The following KAZN variants were observed in gnomAD, a reference collection of about 807,000 sequenced individuals.
The protein encoded by KAZN is kazrin, periplakin interacting protein.
Under a neutral mutation model 87.4 loss-of-function variants are expected in KAZN, and 40 were observed. The observed-to-expected ratio is 0.46, with a 90% CI of 0.36 to 0.60. KAZN has a LOEUF of 0.60. Among genes scored for constraint, KAZN ranks in the 20% least tolerant of loss-of-function variants. The pLI, the probability that KAZN is intolerant of heterozygous loss-of-function variation, is 0.00. For synonymous variants in KAZN, 466 were observed against 458.3 expected, an observed-to-expected ratio of 1.02 and a Z score of -0.22; for missense variants, 898 against 1,073.9, an observed-to-expected ratio of 0.84 and a Z score of 2.29.
chr1:14,243,172 C>T (rs565523127), intron 2 of KAZN, among the ~76,000 whole-genome samples: 18 of 152,202 alleles, frequency 1.2e-4, no homozygotes, highest in East Asian at 1.9e-4. Context: ...CAGTTTTGTT[C>T]GCCATTATTC....
intron 2 of KAZN, among the ~76,000 whole-genome samples, chr1:14,576,464 AATGGATGG>A (rs924859427): frequency 6.6e-6 from 1 of 150,566 alleles, no homozygotes; most frequent in African/African-American, 2.5e-5. Flanking sequence ...TGGATATATT[AATGGATGG>A]ATGGATGGAT....
intron 1 of KAZN, among the ~76,000 whole-genome samples, chr1:13,894,859 C>G (rs977394919): frequency 6.6e-6 from 1 of 152,164 alleles, no homozygotes; most frequent in Non-Finnish European, 1.5e-5. Flanking sequence ...CACACTGGAG[C>G]TGGTTTCTAA....
chr1:14,877,100 G>A (rs543133746), intron 1 of KAZN, among the ~76,000 whole-genome samples: 1 of 152,286 alleles, frequency 6.6e-6, no homozygotes, highest in African/African-American at 2.4e-5. Flanking sequence ...TGCCAGTGTG[G>A]ATCCTTCAGG....
chr1:14,943,866 G>T (rs1370524772), intron 1 of KAZN, among the ~76,000 whole-genome samples: 1 of 152,270 alleles, frequency 6.6e-6, no homozygotes, highest in African/African-American at 2.4e-5. Context: ...GAGGTCAGGA[G>T]TTTGAGACCA....
intron 1 of KAZN, among the ~76,000 whole-genome samples, chr1:14,781,786 A>C (rs192803172): frequency 0.011 from 1,677 of 152,302 alleles, 41 homozygotes; most frequent in African/African-American, 0.038. Flanking sequence ...GGCATGAAAA[A>C]CAGCACAATC....
At chr1:14,347,427 TAA>T (rs1300547858) in intron 2 of KAZN, among the ~76,000 whole-genome samples, 2 of 152,178 alleles carry the variant, frequency 1.3e-5, no homozygotes, top group African/African-American at 4.8e-5. Flanking sequence ...GAAGACACGC[TAA>T]AGAGTCTGAC....
intron 1 of KAZN, among the ~76,000 whole-genome samples, chr1:14,605,998 G>A (rs1388712884): frequency 5.3e-5 from 8 of 152,170 alleles, no homozygotes; most frequent in Non-Finnish European, 1.2e-4. Flanking sequence ...GACTTATTGG[G>A]CAGGTACCAT....
At chr1:14,299,653 C>G (rs140914121) in intron 2 of KAZN, among the ~76,000 whole-genome samples, 1 of 152,222 alleles carries the variant, frequency 6.6e-6, no homozygotes, top group Non-Finnish European at 1.5e-5. Context: ...CTGGGCTCCA[C>G]TGGGCTACAG....
At chr1:14,678,243 A>G (rs1364955533) in intron 1 of KAZN, among the ~76,000 whole-genome samples, 1 of 152,174 alleles carries the variant, frequency 6.6e-6, no homozygotes, top group Non-Finnish European at 1.5e-5. Flanking sequence ...GACTAGAAAA[A>G]GCAGGCAGAA....
chr1:14,520,923 G>A (rs1671552147), intron 2 of KAZN, among the ~76,000 whole-genome samples: 1 of 152,178 alleles, frequency 6.6e-6, no homozygotes, highest in South Asian at 2.1e-4. Context: ...CCTGGGCAGG[G>A]CAGGTTCCCC....
chr1:14,602,427 G>A (rs562237831), intron 1 of KAZN, among the ~76,000 whole-genome samples: 6 of 152,328 alleles, frequency 3.9e-5, no homozygotes, highest in Non-Finnish European at 8.8e-5. Context: ...TCCAGAGGCT[G>A]CCTTTTGGGT....
At chr1:14,393,241 T>C (rs1035385709) in intron 2 of KAZN, among the ~76,000 whole-genome samples, 1 of 152,188 alleles carries the variant, frequency 6.6e-6, no homozygotes, top group Non-Finnish European at 1.5e-5. Context: ...CAAGGAACCA[T>C]CTCGTGTATC....
rs140710996 is a variant in KAZN at position 14,793,994 on chromosome 1, C to G, written c.227-166690C>G. 1.4e-3 allele frequency among the ~76,000 whole-genome samples: 206 copies of G among 152,282 alleles called. 2 individuals are homozygous for G. Among genetic ancestry groups the G allele is most frequent in the East Asian group, 5.6e-3 (29 of 5,178 alleles). ...ACCAGATTGGTTATTTCAGGGTAATCAAAAGTAACACCACAGGTCCTGACC... is the reference window on the plus strand; with the variant it reads ...ACCAGATTGGTTATTTCAGGGTAATGAAAAGTAACACCACAGGTCCTGACC... On this transcript the variant is annotated intron_variant, in intron 1 of 14. Transcript: ENST00000376030.
intron 2 of KAZN, among the ~76,000 whole-genome samples, chr1:14,395,752 G>A (rs1249768514): frequency 6.6e-6 from 1 of 152,134 alleles, no homozygotes; most frequent in Non-Finnish European, 1.5e-5. Flanking sequence ...CAAGACTCGC[G>A]CTGAGTTAGA....
intron 1 of KAZN, among the ~76,000 whole-genome samples, chr1:13,944,361 G>A (rs1641054519): frequency 6.6e-6 from 1 of 152,150 alleles, no homozygotes; most frequent in Admixed American, 6.5e-5. Context: ...TGGTTGCCTA[G>A]GTCTAGAAAT....
intron 2 of KAZN, among the ~76,000 whole-genome samples, chr1:14,579,921 T>C (rs942926207): frequency 2.0e-5 from 3 of 151,788 alleles, no homozygotes; most frequent in African/African-American, 7.3e-5. Context: ...TCATACCGGG[T>C]TCATTCACTT....
chr1:13,910,601 A>G (rs1639619082), intron 1 of KAZN, among the ~76,000 whole-genome samples: 1 of 151,952 alleles, frequency 6.6e-6, no homozygotes, highest in Non-Finnish European at 1.5e-5. Context: ...CCCAATTGCA[A>G]GTTTCCTGAG....
intron 1 of KAZN, among the ~76,000 whole-genome samples, chr1:13,959,061 T>G (rs1257862078): frequency 6.6e-6 from 1 of 152,186 alleles, no homozygotes; most frequent in African/African-American, 2.4e-5. Flanking sequence ...ATCATGAATC[T>G]CAACCCCTGA....
At chr1:14,997,667 C>A (rs1417593009) in intron 2 of KAZN, among the ~76,000 whole-genome samples, 2 of 152,156 alleles carry the variant, frequency 1.3e-5, no homozygotes, top group Non-Finnish European at 2.9e-5. Flanking sequence ...TAAATCCATG[C>A]GGAAAGCCTG....
Sources: gnomAD v4.1 joint callset for allele counts (sites outside exome capture counted in the v4.1 genomes callset) on GRCh38, gnomAD v4.1.1 for gene constraint, MANE v1.5 for transcripts, NCBI Gene and HGNC (gene_info 2026-07-23, HGNC 2026-07-21) for gene names.